Variants in CMBL observed in about 807,000 individuals in gnomAD.
The protein encoded by CMBL is carboxymethylenebutenolidase homolog (Pseudomonas).
CMBL carries 17 observed loss-of-function variants against 28.7 expected under a neutral mutation model. The observed-to-expected ratio is 0.59, with a 90% CI of 0.41 to 0.89. The LOEUF is 0.89. CMBL is among the 40% of genes least tolerant of loss of function. The pLI, the probability that CMBL is intolerant of heterozygous loss-of-function variation, is 0.00. For synonymous variants in CMBL, 106 were observed against 101.6 expected (o/e 1.04, Z -0.26); for missense variants, 310 against 298.5 (o/e 1.04, Z -0.28).
intron 1 of CMBL, among the ~76,000 whole-genome samples, chr5:10,301,808 G>A (rs1175023740): frequency 6.6e-6 from 1 of 151,874 alleles, no homozygotes; most frequent in Non-Finnish European, 1.5e-5. Context: ...CACCATGTTC[G>A]CCAGGCTGGT....
intron 1 of CMBL, among the ~76,000 whole-genome samples, chr5:10,299,286 A>G (rs1389814559): frequency 1.3e-5 from 2 of 152,160 alleles, no homozygotes; most frequent in Non-Finnish European, 2.9e-5. Flanking sequence ...AAAAAAGTAC[A>G]CCTGAATGGC....
chr5:10,296,703 C>T (rs1162233144), intron 1 of CMBL, among the ~76,000 whole-genome samples: 1 of 152,126 alleles, frequency 6.6e-6, no homozygotes, highest in Non-Finnish European at 1.5e-5. Flanking sequence ...AAGGAACAGC[C>T]AGTGACGGGG....
At position 10,278,182 on chromosome 5, in the gene CMBL, G is replaced by T. The variant is rs1413370943; in HGVS notation, c.*2271C>A. Among the ~76,000 whole-genome samples the T allele has an allele frequency of 1.3e-5, 2 of 152,204 alleles. No homozygotes were observed. Among genetic ancestry groups the T allele is most frequent in the African/African-American group, 4.8e-5 (2 of 41,442 alleles). ...TGAGGCTCAGGAAGCTCAAGTTTGG[G>T]AATTCTTTGAATTTTATGTTTCCTG... On this transcript the variant is annotated 3_prime_UTR_variant, in exon 6 of 6. Coordinates refer to ENST00000296658, the MANE Select transcript of CMBL (RefSeq NM_138809.4).
Position 10,289,023 on chromosome 5 carries a change from G to A in CMBL, c.216-494C>T, listed in dbSNP as rs1167867410. ...GACGAAGCACAGTTTCCTATCCAGA[G>A]GGTATGTTCTAAGACGGGCAGCAGA... On this transcript the variant is annotated intron_variant, in intron 2 of 5. Transcript: ENST00000296658. This position sits in a 1 kb window ranked among gnomAD's most constrained non-coding sequence, Gnocchi z 4.3. Among the ~76,000 whole-genome samples, 1 of 152,186 alleles carries A rather than the reference G, an allele frequency of 6.6e-6. No homozygotes were observed. The highest frequency in any genetic ancestry group is 6.5e-5 in the Admixed American group (1 of 15,274).
chr5:10,289,398 CT>C lies in CMBL; in HGVS notation c.216-870del. 6.6e-6 allele frequency among the ~76,000 whole-genome samples: 1 copy of C among 152,332 alleles called. No homozygotes were observed. Among genetic ancestry groups the C allele is most frequent in the East Asian group, 1.9e-4 (1 of 5,184 alleles). Reference sequence around the variant, plus strand: ...TGAAAGGGCTTTGTAAAACAGGGGTCTTTCCTTATCTTTTATGTCCTGACCC... The same window carrying C: ...TGAAAGGGCTTTGTAAAACAGGGGTCTTCCTTATCTTTTATGTCCTGACCC... On this transcript the variant is annotated intron_variant, in intron 2 of 5. Transcript: ENST00000296658. The surrounding 1 kb of genome is among the most constrained non-coding windows in gnomAD (Gnocchi z 4.3).
In CMBL at chr5:10,303,322, CA is replaced by C. The variant is rs571499041; in HGVS notation, c.-20+4302del. Among the ~76,000 whole-genome samples, 13 of 152,332 alleles carry C rather than the reference CA, an allele frequency of 8.5e-5. 1 individual carries two copies. The East Asian group carries it at 2.1e-3, about 25-fold the overall frequency. On this transcript the variant is annotated intron_variant, in intron 1 of 5. Coordinates refer to ENST00000296658, the MANE Select transcript of CMBL (RefSeq NM_138809.4). ...CTCAGCCACCTTGGGCACATGTTCT[CA>C]GGCCCTCTGGGGGCTGTGTCATGGG...
At position 10,278,804 on chromosome 5, in the gene CMBL, A is replaced by G. The variant is rs969375390; in HGVS notation, c.*1649T>C. On this transcript the variant is annotated 3_prime_UTR_variant, in exon 6 of 6. Coordinates refer to ENST00000296658, the MANE Select transcript of CMBL (RefSeq NM_138809.4). ...AGTAGGAATAAACTGGACACAGGTC[A>G]GATGAGAGCCACAAGGTCATGTGCC... Among the ~76,000 whole-genome samples, 1 of 152,138 alleles carries G rather than the reference A, an allele frequency of 6.6e-6. No individual in the cohort carries two copies. Among genetic ancestry groups the G allele is most frequent in the Non-Finnish European group, 1.5e-5 (1 of 68,024 alleles).
At chr5:10,285,587 C>A (rs1317480510) in intron 4 of CMBL, among the ~76,000 whole-genome samples, 1 of 152,000 alleles carries the variant, frequency 6.6e-6, no homozygotes, top group Non-Finnish European at 1.5e-5. Flanking sequence ...CGTGAGTCAT[C>A]GCATCTGGCT....
rs944723848 is a variant in CMBL, at chr5:10,279,035, A to G, written c.*1418T>C. Among the ~76,000 whole-genome samples the G allele has an allele frequency of 2.7e-4, 41 of 152,204 alleles. No individual in the cohort carries two copies. The highest frequency in any genetic ancestry group is 5.2e-4 in the Admixed American group (8 of 15,286). ...ACGTCAAGACAAAATTAGGAAAAAA[A>G]CTACAACATCAAGTCACTTGCCCAA... On this transcript the variant is annotated 3_prime_UTR_variant, in exon 6 of 6. Coordinates refer to ENST00000296658, the MANE Select transcript of CMBL (RefSeq NM_138809.4).
chr5:10,304,830 C>T (rs1034247785), intron 1 of CMBL, among the ~76,000 whole-genome samples: 11 of 151,986 alleles, frequency 7.2e-5, no homozygotes, highest in South Asian at 6.2e-4. Flanking sequence ...TGCATGGAAA[C>T]GGGATAGAAT....
intron 1 of CMBL, among the ~76,000 whole-genome samples, chr5:10,301,678 T>G (rs1238171261): frequency 6.7e-6 from 1 of 149,440 alleles, no homozygotes; most frequent in Non-Finnish European, 1.5e-5. Flanking sequence ...CTCCGCTCAC[T>G]GCAAACTCCG....
chr5:10,305,330 T>C (rs143573691), intron 1 of CMBL, among the ~76,000 whole-genome samples: 1 of 152,218 alleles, frequency 6.6e-6, no homozygotes, highest in African/African-American at 2.4e-5. Flanking sequence ...TTCTATGTGA[T>C]GGTATGCACA....
chr5:10,298,181 G>A (rs991088770), intron 1 of CMBL, among the ~76,000 whole-genome samples: 1 of 152,086 alleles, frequency 6.6e-6, no homozygotes, highest in African/African-American at 2.4e-5. Context: ...CTGCAGCACT[G>A]AGCTACCCAG....
intron 4 of CMBL, among the ~76,000 whole-genome samples, chr5:10,282,822 T>A (rs1007465442): frequency 1.3e-5 from 2 of 151,752 alleles, no homozygotes; most frequent in African/African-American, 4.8e-5. Flanking sequence ...CTGGGCGCAG[T>A]GACTCAAGCC....
chr5:10,295,109 G>T (rs1746786393), intron 1 of CMBL, among the ~76,000 whole-genome samples: 1 of 150,046 alleles, frequency 6.7e-6, no homozygotes, highest in Admixed American at 6.6e-5. Flanking sequence ...TTGAGACAGA[G>T]ACTCGCTCTG....
chr5:10,278,731 A>G lies in CMBL; in HGVS notation c.*1722T>C, dbSNP rs1026236714. 1.3e-5 allele frequency among the ~76,000 whole-genome samples: 2 copies of G among 152,026 alleles called. No individual in the cohort carries two copies. The highest frequency in any genetic ancestry group is 4.8e-5 in the African/African-American group (2 of 41,376). ...TCTGATGAGTTGCCTCCTCTACCCCATCCTAACTTCTTTCCCGGTCAGGGC... is the reference window on the plus strand; with the variant it reads ...TCTGATGAGTTGCCTCCTCTACCCCGTCCTAACTTCTTTCCCGGTCAGGGC... On this transcript the variant is annotated 3_prime_UTR_variant, in exon 6 of 6. Coordinates refer to ENST00000296658, the MANE Select transcript of CMBL (RefSeq NM_138809.4).
chr5:10,304,130 A>T (rs1376392200), intron 1 of CMBL, among the ~76,000 whole-genome samples: 1 of 151,942 alleles, frequency 6.6e-6, no homozygotes, highest in Non-Finnish European at 1.5e-5. Flanking sequence ...GGAGGCCAAG[A>T]CAGGAGGATC....
chr5:10,306,414 A>C (rs1747001792), intron 1 of CMBL, among the ~76,000 whole-genome samples: 1 of 152,088 alleles, frequency 6.6e-6, no homozygotes, highest in Non-Finnish European at 1.5e-5. Flanking sequence ...TCTGCAAAGT[A>C]GGGGAAGGGA....
intron 5 of CMBL, among the ~76,000 whole-genome samples, chr5:10,281,607 T>C (rs1247584799): frequency 2.6e-5 from 4 of 152,244 alleles, no homozygotes; most frequent in African/African-American, 9.6e-5. Context: ...GGTCACAGAC[T>C]TTATTGTAAT....
Sources: gnomAD v4.1 joint callset for allele counts (sites outside exome capture counted in the v4.1 genomes callset) on GRCh38, gnomAD v4.1.1 for gene constraint, Gnocchi (gnomAD v3.1) non-coding constraint, MANE v1.5 for transcripts, NCBI Gene and HGNC (gene_info 2026-07-23, HGNC 2026-07-21) for gene names.